Variants in ANKRD6 observed in about 807,000 individuals in gnomAD.
ANKRD6 encodes the protein ankyrin repeat domain-containing protein 6.
A neutral mutation model predicts 82.3 loss-of-function variants in ANKRD6; 56 were observed. The observed-to-expected ratio is 0.68, with a 90% CI of 0.55 to 0.85. ANKRD6 has a LOEUF of 0.85. Ranked by LOEUF, ANKRD6 falls within the 40% of genes least tolerant of loss-of-function variation. ANKRD6 has a pLI of 0.00. For synonymous variants in ANKRD6, 347 were observed against 352.1 expected (o/e 0.99, Z 0.16); for missense variants, 852 against 907.6 (o/e 0.94, Z 0.79).
chr6:89,451,921 G>T (rs1173498422), intron 1 of ANKRD6, among the ~76,000 whole-genome samples: 1 of 152,132 alleles, frequency 6.6e-6, no homozygotes. Flanking sequence ...TTTAGGCTGG[G>T]CATAGTGGCT....
At chr6:89,519,886 A>T (rs765686393) in intron 1 of ANKRD6, among the ~76,000 whole-genome samples, 1 of 152,228 alleles carries the variant, frequency 6.6e-6, no homozygotes, top group African/African-American at 2.4e-5. Context: ...TATTCTTCGG[A>T]TCATAGCATA....
intron 1 of ANKRD6, among the ~76,000 whole-genome samples, chr6:89,491,936 C>T (rs1333806989): frequency 6.6e-6 from 1 of 152,168 alleles, no homozygotes; most frequent in Non-Finnish European, 1.5e-5. Flanking sequence ...CCATTAGATC[C>T]TATCGCCTTT....
chr6:89,538,727 G>T (rs922930392), intron 1 of ANKRD6, among the ~76,000 whole-genome samples: 1 of 152,064 alleles, frequency 6.6e-6, no homozygotes, highest in African/African-American at 2.4e-5. Flanking sequence ...TATCTAGGGG[G>T]AAATTCCATC....
intron 4 of ANKRD6, among the ~76,000 whole-genome samples, chr6:89,605,050 T>G (rs563799705): frequency 6.6e-6 from 1 of 150,796 alleles, no homozygotes; most frequent in South Asian, 2.1e-4. Flanking sequence ...AATAGTAAGC[T>G]AAGCAAATAC....
chr6:89,480,021 A>G (rs2127805530), intron 1 of ANKRD6, among the ~76,000 whole-genome samples: 1 of 152,084 alleles, frequency 6.6e-6, no homozygotes, highest in East Asian at 1.9e-4. Context: ...GTGATGAAGA[A>G]CCCCTTTTCT....
At chr6:89,500,491 A>G (rs1779144659) in intron 1 of ANKRD6, among the ~76,000 whole-genome samples, 2 of 152,228 alleles carry the variant, frequency 1.3e-5, no homozygotes, top group African/African-American at 2.4e-5. Flanking sequence ...ATAATGTCAT[A>G]TGATATATTT....
intron 1 of ANKRD6, among the ~76,000 whole-genome samples, chr6:89,522,955 G>A (rs988062513): frequency 6.6e-6 from 1 of 152,072 alleles, no homozygotes; most frequent in Non-Finnish European, 1.5e-5. Flanking sequence ...TGTCAGGTGC[G>A]GGGACTGGGG....
chr6:89,605,017 C>T (rs1798174958), intron 4 of ANKRD6, among the ~76,000 whole-genome samples: 1 of 151,360 alleles, frequency 6.6e-6, no homozygotes, highest in Admixed American at 6.6e-5. Flanking sequence ...ATTCATTGCA[C>T]TTAATGATAT....
At chr6:89,532,361 T>A (rs907315578) in intron 1 of ANKRD6, among the ~76,000 whole-genome samples, 14 of 152,230 alleles carry the variant, frequency 9.2e-5, no homozygotes, top group Non-Finnish European at 1.3e-4. Flanking sequence ...CTCTGGGCTT[T>A]GTACGTGCTG....
intron 1 of ANKRD6, among the ~76,000 whole-genome samples, chr6:89,453,028 A>G (rs1209485097): frequency 6.6e-6 from 1 of 152,230 alleles, no homozygotes. Context: ...ACAAATTTTC[A>G]TAAGGCAAAC....
intron 1 of ANKRD6, among the ~76,000 whole-genome samples, chr6:89,446,229 A>G (rs6902692): frequency 0.5 from 75,579 of 151,578 alleles, 20,032 homozygotes; most frequent in African/African-American, 0.68. Context: ...GTGCATGTCT[A>G]TAATCCAAGC....
chr6:89,530,788 T>C (rs1434998837), intron 1 of ANKRD6, among the ~76,000 whole-genome samples: 3 of 152,238 alleles, frequency 2.0e-5, no homozygotes, highest in Admixed American at 2.0e-4. Context: ...AAGTTGTACT[T>C]GCTGGGTGGA....
intron 3 of ANKRD6, chr6:89,601,498 TTAAATA>T (rs1347012166): frequency 1.3e-5 from 2 of 152,184 alleles, no homozygotes; most frequent in East Asian, 3.8e-4. Flanking sequence ...GTTATCCGTG[TTAAATA>T]TAAAAAGCTG....
chr6:89,610,287 C>T (rs558487584), intron 5 of ANKRD6, among the ~76,000 whole-genome samples: 12 of 152,272 alleles, frequency 7.9e-5, no homozygotes, highest in African/African-American at 2.9e-4. Flanking sequence ...CCTCTCCCAG[C>T]CCCGGGCAAC....
rs190396083 is a variant in ANKRD6 at position 89,476,122 on chromosome 6, G to A, written c.-144+42747G>A. Among the ~76,000 whole-genome samples the A allele has an allele frequency of 7.9e-5, 12 of 152,162 alleles. No homozygotes were observed. In the East Asian group the frequency reaches 2.3e-3, roughly 29 times the overall value. ...ATCTTTTGTAGATTATCATCTACATGTGAATATATTTTACCAGTTATAATT... is the reference window on the plus strand; with the variant it reads ...ATCTTTTGTAGATTATCATCTACATATGAATATATTTTACCAGTTATAATT... On this transcript the variant is annotated intron_variant, in intron 1 of 15. Transcript: ENST00000339746.
intron 2 of ANKRD6, among the ~76,000 whole-genome samples, chr6:89,581,297 G>A (rs1325351844): frequency 6.6e-6 from 1 of 152,212 alleles, no homozygotes; most frequent in Non-Finnish European, 1.5e-5. Flanking sequence ...GTACGATTAT[G>A]TTTGTGGGAT....
At chr6:89,553,364 G>C (rs1209921633) in intron 1 of ANKRD6, among the ~76,000 whole-genome samples, 1 of 152,166 alleles carries the variant, frequency 6.6e-6, no homozygotes, top group East Asian at 1.9e-4. Context: ...CTGACTTGCA[G>C]GTGTCCTCCA....
intron 1 of ANKRD6, among the ~76,000 whole-genome samples, chr6:89,501,425 T>C (rs1434789316): frequency 6.6e-6 from 1 of 152,248 alleles, no homozygotes; most frequent in Admixed American, 6.5e-5. Context: ...ATGCCAGATA[T>C]GTCAGTATTG....
intron 9 of ANKRD6, chr6:89,619,779 G>C (rs770110111): frequency 6.6e-6 from 1 of 152,210 alleles, no homozygotes; most frequent in Non-Finnish European, 1.5e-5. Flanking sequence ...TGCCTGAAAA[G>C]AGAAAATCCC....
Sources: allele counts gnomAD v4.1 joint callset (sites outside exome capture counted in the v4.1 genomes callset), GRCh38; gene constraint gnomAD v4.1.1; transcripts MANE v1.5; gene names NCBI Gene and HGNC (gene_info 2026-07-23, HGNC 2026-07-21).